Variants in TTLL11 observed in about 807,000 individuals in gnomAD.
TTLL11 encodes tubulin tyrosine ligase like 11.
In TTLL11, 42 loss-of-function variants were observed where a neutral mutation model predicts 51.7. That is an observed-to-expected ratio of 0.81 (90% CI 0.64 to 1.05). The LOEUF is 1.05. Ranked by LOEUF, TTLL11 falls within the 50% of genes least tolerant of loss-of-function variation. TTLL11 has a pLI of 0.00. For missense variants in TTLL11, 799 were observed against 940.4 expected (o/e 0.85, Z 1.97); for synonymous variants, 381 against 383.5 (o/e 0.99, Z 0.08).
chr9:122,051,560 C>A (rs1172878121), intron 1 of TTLL11, among the ~76,000 whole-genome samples: 1 of 152,150 alleles, frequency 6.6e-6, no homozygotes, highest in East Asian at 1.9e-4. Context: ...CCCAACACAC[C>A]CACAGCTGCT....
In TTLL11 at chr9:121,892,392, C is replaced by T. The variant is rs189032559; in HGVS notation, c.1482-21644G>A. ...CATGGGGGGGTGCTCACAATCATGG[C>T]GGAAGGCAAAAGGCACTTCTTAAGT... On this transcript the variant is annotated intron_variant, in intron 6 of 8. Transcript: ENST00000321582. Among the ~76,000 whole-genome samples, 61 of 151,964 alleles carry T rather than the reference C, an allele frequency of 4.0e-4. No individual in the cohort carries two copies. In the East Asian group the frequency reaches 8.7e-3, roughly 22 times the overall value.
At chr9:122,051,628 CTT>C (rs1019928970) in intron 1 of TTLL11, among the ~76,000 whole-genome samples, 12 of 152,188 alleles carry the variant, frequency 7.9e-5, no homozygotes, top group African/African-American at 2.7e-4. Flanking sequence ...TTCTCTCTCT[CTT>C]TCTCTCTCTC....
intron 6 of TTLL11, among the ~76,000 whole-genome samples, chr9:121,881,856 A>G (rs562273941): frequency 6.6e-6 from 1 of 152,280 alleles, no homozygotes; most frequent in East Asian, 1.9e-4. Context: ...CCCTGGTTAA[A>G]CCACACAGAG....
At chr9:121,923,369 C>T (rs926260895) in intron 6 of TTLL11, among the ~76,000 whole-genome samples, 2 of 152,070 alleles carry the variant, frequency 1.3e-5, no homozygotes, top group East Asian at 1.9e-4. Flanking sequence ...GCTACATCTG[C>T]AGGTGGACAG....
intron 3 of TTLL11, among the ~76,000 whole-genome samples, chr9:122,014,794 T>C (rs1335168025): frequency 6.6e-6 from 1 of 152,144 alleles, no homozygotes; most frequent in Non-Finnish European, 1.5e-5. Context: ...TATAAGATGA[T>C]GAATAAGAAC....
At chr9:121,949,971 G>T (rs73555661) in intron 6 of TTLL11, among the ~76,000 whole-genome samples, 1 of 151,898 alleles carries the variant, frequency 6.6e-6, no homozygotes, top group African/African-American at 2.4e-5. Context: ...TGCTCTGTCC[G>T]CATCCATCCA....
At chr9:121,879,757 C>G (rs879718476) in intron 6 of TTLL11, among the ~76,000 whole-genome samples, 2,963 of 19,652 alleles carry the variant, frequency 0.15, 452 homozygotes, top group East Asian at 0.33. Context: ...GCTTGAAGCC[C>G]TGAATCTAGA....
intron 8 of TTLL11, among the ~76,000 whole-genome samples, chr9:121,823,977 T>G (rs1002776349): frequency 1.3e-5 from 2 of 152,138 alleles, no homozygotes; most frequent in African/African-American, 4.8e-5. Flanking sequence ...CAGCACCGGC[T>G]GCGACTTGCT....
intron 2 of TTLL11, among the ~76,000 whole-genome samples, chr9:122,035,026 C>T (rs999408325): frequency 6.6e-6 from 1 of 152,244 alleles, no homozygotes; most frequent in Non-Finnish European, 1.5e-5. Context: ...TGTTCTATTG[C>T]TTGTATCCAA....
At chr9:121,943,617 G>A (rs1233880934) in intron 6 of TTLL11, among the ~76,000 whole-genome samples, 2 of 152,232 alleles carry the variant, frequency 1.3e-5, no homozygotes, top group African/African-American at 2.4e-5. Flanking sequence ...ACCTGCAGGT[G>A]TCTAGAAGCC....
intron 1 of TTLL11, among the ~76,000 whole-genome samples, chr9:122,090,378 C>T (rs939673745): frequency 1.8e-4 from 28 of 152,146 alleles, no homozygotes; most frequent in African/African-American, 6.5e-4. Flanking sequence ...CTGATCCCTG[C>T]TCATTTCTGA....
At chr9:121,901,703 T>A (rs760204951) in intron 6 of TTLL11, among the ~76,000 whole-genome samples, 7 of 152,076 alleles carry the variant, frequency 4.6e-5, no homozygotes, top group Non-Finnish European at 1.0e-4. Flanking sequence ...GTGGTCCTGG[T>A]TTTATGTGGG....
intron 6 of TTLL11, among the ~76,000 whole-genome samples, chr9:121,937,865 A>C (rs1841293294): frequency 6.6e-6 from 1 of 152,230 alleles, no homozygotes. Context: ...TAAAGCATGA[A>C]AAATAATATA....
chr9:121,904,960 C>G (rs985678627), intron 6 of TTLL11, among the ~76,000 whole-genome samples: 2 of 152,202 alleles, frequency 1.3e-5, no homozygotes, highest in Non-Finnish European at 2.9e-5. Flanking sequence ...TTTGGACCCA[C>G]AGATATGGAC....
At chr9:121,949,036 T>TCACA (rs1841769833) in intron 6 of TTLL11, among the ~76,000 whole-genome samples, 1 of 152,162 alleles carries the variant, frequency 6.6e-6, no homozygotes. Flanking sequence ...GGCCAGCCTC[T>TCACA]CACACAATGT....
chr9:121,826,540 T>C (rs1836798298), intron 8 of TTLL11, among the ~76,000 whole-genome samples: 1 of 58,206 alleles, frequency 1.7e-5, no homozygotes, highest in Non-Finnish European at 3.1e-5. Context: ...TGTGTGTGTA[T>C]ATATATATAT....
chr9:122,092,828 G>A lies in TTLL11; in HGVS notation c.321C>T (p.Asp107=), dbSNP rs747511339. 3.2e-5 allele frequency: 50 copies of A among 1,557,896 alleles called. No homozygotes were observed. In the African/African-American group the frequency reaches 6.8e-4, roughly 21 times the overall value. ...AGCTCCGCTTGCAGCTTCGGCCCTT[G>A]TCCCGGGGCTTCCCGTGCGGGCAGA... The part of the protein sequence containing the change: ...QGLCPHGKPR[D]KGRSCKRSSG... Residue 107 remains aspartate (D), a synonymous_variant, in exon 1 of 9, where the codon GAC becomes GAT. Coordinates refer to ENST00000321582, the MANE Select transcript of TTLL11 (RefSeq NM_001139442.2).
Position 121,818,025 on chromosome 9 carries a change from A to G in TTLL11, c.*4562T>C, listed in dbSNP as rs945631659. On this transcript the variant is annotated 3_prime_UTR_variant, in exon 9 of 9. Transcript: ENST00000321582. ...GTCTGGGCTCCTATCCTCCCACTCCATTCCCCTGACTACCTACATGCACAT... is the reference window on the plus strand; with the variant it reads ...GTCTGGGCTCCTATCCTCCCACTCCGTTCCCCTGACTACCTACATGCACAT... 13 of 152,350 alleles carry G rather than the reference A, an allele frequency of 8.5e-5. No homozygotes were observed. The highest frequency in any genetic ancestry group is 3.1e-4 in the African/African-American group (13 of 41,454). The allele number at this position is 152,350 out of a possible 1,614,324, so 9.4% of individuals were successfully genotyped here.
chr9:121,912,653 C>T (rs1840178041), intron 6 of TTLL11, among the ~76,000 whole-genome samples: 1 of 152,072 alleles, frequency 6.6e-6, no homozygotes, highest in South Asian at 2.1e-4. Flanking sequence ...CTGGGAGCAT[C>T]TTGAGAGTGG....
Sources: gnomAD v4.1 joint callset for allele counts (sites outside exome capture counted in the v4.1 genomes callset) on GRCh38, gnomAD v4.1.1 for gene constraint, MANE v1.5 for transcripts, NCBI Gene and HGNC (gene_info 2026-07-23, HGNC 2026-07-21) for gene names.